Variants in USP14 observed in about 807,000 individuals in gnomAD.
USP14 encodes the protein ubiquitin specific peptidase 14, also known as ubiquitin carboxyl-terminal hydrolase 14.
A neutral mutation model predicts 76.5 loss-of-function variants in USP14; 38 were observed. The observed-to-expected ratio is 0.50, with a 90% CI of 0.38 to 0.65. The LOEUF (loss-of-function observed/expected upper bound fraction) is 0.65, where lower values mean the gene tolerates loss of function less well. Ranked by LOEUF, USP14 falls within the 30% of genes least tolerant of loss-of-function variation. USP14 has a pLI of 0.00. For synonymous variants in USP14, 192 were observed against 191.7 expected (o/e 1.00, Z -0.01); for missense variants, 467 against 586.5 (o/e 0.80, Z 2.10).
chr18:204,582 A>T lies in USP14; in HGVS notation c.1054A>T (p.Met352Leu), dbSNP rs1174204265. The T allele has an allele frequency of 1.2e-6, 2 of 1,600,162 alleles. No homozygotes were observed. The highest frequency in any genetic ancestry group is 1.7e-6 in the Non-Finnish European group (2 of 1,175,858). Residue 352 changes from methionine (M) to leucine (L), a missense_variant, in exon 13 of 16, where the codon ATG becomes TTG. By Grantham distance (15) the Met-to-Leu change is conservative. Coordinates refer to ENST00000261601, the MANE Select transcript of USP14 (RefSeq NM_005151.4). ...KVLKDVKFPL[M>L]LDMYELCTPE... Reference sequence around the variant, plus strand: ...TATATAGGATGTTAAATTTCCTCTTATGTTGGATATGTATGAACTGTGTAC... The same window carrying T: ...TATATAGGATGTTAAATTTCCTCTTTTGTTGGATATGTATGAACTGTGTAC...
intron 12 of USP14, among the ~76,000 whole-genome samples, chr18:203,437 G>T (rs890561381): frequency 6.7e-6 from 1 of 149,510 alleles, no homozygotes; most frequent in Non-Finnish European, 1.5e-5. Flanking sequence ...GTCTTCGGTG[G>T]GGCCTAGGAT....
In USP14 at chr18:182,259, T is replaced by C. The variant is rs201500120; in HGVS notation, c.404+1920T>C. Among the ~76,000 whole-genome samples the C allele has an allele frequency of 4.4e-4, 67 of 152,338 alleles. 1 individual carries two copies. The East Asian group carries it at 0.011, about 25-fold the overall frequency. On this transcript the variant is annotated intron_variant, in intron 5 of 15. Coordinates refer to ENST00000261601, the MANE Select transcript of USP14 (RefSeq NM_005151.4). ...AAGTGTAACTTAAAAAATATGTAACTTAATTCTGACTAAATTTATACAACT... is the reference window on the plus strand; with the variant it reads ...AAGTGTAACTTAAAAAATATGTAACCTAATTCTGACTAAATTTATACAACT...
intron 3 of USP14, among the ~76,000 whole-genome samples, chr18:168,549 C>T (rs1473059449): frequency 1.3e-5 from 2 of 151,916 alleles, no homozygotes; most frequent in Non-Finnish European, 2.9e-5. Context: ...ATTCTCCTGC[C>T]TCAACCTCCT....
intron 13 of USP14, among the ~76,000 whole-genome samples, chr18:209,017 G>A (rs1910601667): frequency 2.0e-5 from 3 of 152,054 alleles, no homozygotes; most frequent in South Asian, 4.1e-4. Flanking sequence ...CACTATACCC[G>A]GCCTAAATTA....
intron 6 of USP14, among the ~76,000 whole-genome samples, chr18:194,483 T>G (rs1910176585): frequency 6.6e-6 from 1 of 152,242 alleles, no homozygotes; most frequent in African/African-American, 2.4e-5. Context: ...AATTCACCAG[T>G]TACTAACTTT....
At chr18:194,160 A>G (rs536860903) in intron 6 of USP14, among the ~76,000 whole-genome samples, 33 of 152,272 alleles carry the variant, frequency 2.2e-4, no homozygotes, top group Non-Finnish European at 4.3e-4. Flanking sequence ...GTTGTCAACC[A>G]TTGATTTTTG....
At chr18:197,297 T>C (rs1440100758) in intron 7 of USP14, among the ~76,000 whole-genome samples, 1 of 152,262 alleles carries the variant, frequency 6.6e-6, no homozygotes, top group Non-Finnish European at 1.5e-5. Flanking sequence ...CACACTTCCC[T>C]TCCCCTGATC....
At chr18:164,958 T>A (rs1909226602) in intron 2 of USP14, among the ~76,000 whole-genome samples, 1 of 151,938 alleles carries the variant, frequency 6.6e-6, no homozygotes, top group Admixed American at 6.6e-5. Context: ...TTATTATTAT[T>A]TTTTTTGGGA....
chr18:206,011 T>A (rs1003596920), intron 13 of USP14, among the ~76,000 whole-genome samples: 1 of 152,240 alleles, frequency 6.6e-6, no homozygotes, highest in African/African-American at 2.4e-5. Context: ...TGAATAAACC[T>A]GCTGTAAACA....
At chr18:181,013 C>T (rs1236120254) in intron 5 of USP14, among the ~76,000 whole-genome samples, 10 of 151,900 alleles carry the variant, frequency 6.6e-5, no homozygotes, top group African/African-American at 2.4e-4. Flanking sequence ...CGTAACACCT[C>T]ATTCCTATTT....
At chr18:202,126 A>G (rs1910399510) in intron 10 of USP14, among the ~76,000 whole-genome samples, 1 of 152,238 alleles carries the variant, frequency 6.6e-6, no homozygotes, top group South Asian at 2.1e-4. Flanking sequence ...CTTAAAGCAG[A>G]GCACATAAGT....
intron 3 of USP14, among the ~76,000 whole-genome samples, chr18:168,655 G>A (rs8092642): frequency 0.15 from 22,543 of 151,830 alleles, 1,909 homozygotes; most frequent in African/African-American, 0.21. Context: ...GGCTGGTCTC[G>A]AACTCCTGAC....
At chr18:165,547 T>C (rs1909246382) in intron 2 of USP14, among the ~76,000 whole-genome samples, 1 of 152,228 alleles carries the variant, frequency 6.6e-6, no homozygotes, top group South Asian at 2.1e-4. Flanking sequence ...ATTTATTGAG[T>C]ACTTATTTTA....
intron 6 of USP14, among the ~76,000 whole-genome samples, chr18:194,240 G>A (rs1678723442): frequency 6.6e-6 from 1 of 152,144 alleles, no homozygotes; most frequent in Non-Finnish European, 1.5e-5. Flanking sequence ...TTTTCCTAAA[G>A]TAGACTTACT....
intron 3 of USP14, among the ~76,000 whole-genome samples, chr18:174,033 C>G (rs1909552167): frequency 6.6e-6 from 1 of 151,994 alleles, no homozygotes; most frequent in Admixed American, 6.6e-5. Flanking sequence ...GTTGGCTATT[C>G]TGGGAACTTT....
At position 211,356 on chromosome 18, in the gene USP14, T is replaced by C. The variant is rs902251573; in HGVS notation, c.*72T>C. The C allele has an allele frequency of 4.7e-6, 7 of 1,502,028 alleles. No homozygotes were observed. Among genetic ancestry groups the C allele is most frequent in the Non-Finnish European group, 6.3e-6 (7 of 1,110,946 alleles). The allele number at this position is 1,502,028 out of a possible 1,614,324, so 93.0% of individuals were successfully genotyped here. A position where few individuals can be genotyped will look rare whatever the true frequency, so the allele number is the denominator to read the frequency against. ...GTTGATCATTTCTATAATCCAGAGCTTTAGAGGAAGACACATAGGTGGGTT... is the reference window on the plus strand; with the variant it reads ...GTTGATCATTTCTATAATCCAGAGCCTTAGAGGAAGACACATAGGTGGGTT... On this transcript the variant is annotated 3_prime_UTR_variant, in exon 16 of 16. Transcript: ENST00000261601.
chr18:194,901 A>T (rs1215183243), intron 6 of USP14, among the ~76,000 whole-genome samples: 2 of 152,240 alleles, frequency 1.3e-5, no homozygotes, highest in Non-Finnish European at 1.5e-5. Context: ...AGTGTACTCC[A>T]GCCTGGGCAA....
chr18:186,925 AG>A (rs1326815923), intron 5 of USP14, among the ~76,000 whole-genome samples: 2 of 152,204 alleles, frequency 1.3e-5, no homozygotes, highest in Non-Finnish European at 1.5e-5. Context: ...CTTGATGCAT[AG>A]GATTCTTTGG....
intron 6 of USP14, among the ~76,000 whole-genome samples, chr18:195,986 CTTA>C (rs1910219705): frequency 6.7e-6 from 1 of 149,854 alleles, no homozygotes; most frequent in African/African-American, 2.5e-5. Context: ...TTTTTTTTTT[CTTA>C]TTGAGAGTCC....
Sources: gnomAD v4.1 joint callset for allele counts (sites outside exome capture counted in the v4.1 genomes callset) on GRCh38, gnomAD v4.1.1 for gene constraint, MANE v1.5 for transcripts, NCBI Gene and HGNC (gene_info 2026-07-23, HGNC 2026-07-21) for gene names.